USH2A: variants seen among roughly 807,000 people sequenced by gnomAD.
The protein encoded by USH2A is usherin.
In USH2A, 443 loss-of-function variants were observed where a neutral mutation model predicts 538.9. That is an observed-to-expected ratio of 0.82 (90% confidence interval 0.76 to 0.89). USH2A has a LOEUF of 0.89. Ranked by LOEUF, USH2A falls within the 40% of genes least tolerant of loss-of-function variation. The pLI is 0.00. For missense variants in USH2A, 6,633 were observed against 6,324.8 expected (o/e 1.05, Z -1.65); for synonymous variants, 2,413 against 2,273.5 (o/e 1.06, Z -1.75).
At chr1:216,266,480 A>T (rs1267227952) in intron 11 of USH2A, among the ~76,000 whole-genome samples, 1 of 152,174 alleles carries the variant, frequency 6.6e-6, no homozygotes, top group Non-Finnish European at 1.5e-5. Context: ...GGTTGCCTGT[A>T]AAGAAAGAAT....
intron 61 of USH2A, among the ~76,000 whole-genome samples, chr1:215,690,864 C>G (rs1038129125): frequency 6.6e-6 from 1 of 152,120 alleles, no homozygotes; most frequent in Non-Finnish European, 1.5e-5. Flanking sequence ...CTTTCCCACT[C>G]TCAGCACTGC....
At chr1:216,154,909 T>A (rs1255522815) in intron 21 of USH2A, among the ~76,000 whole-genome samples, 1 of 150,836 alleles carries the variant, frequency 6.6e-6, no homozygotes, top group African/African-American at 2.4e-5. Context: ...GCCTTTTGTA[T>A]GTACAAATTG....
At chr1:216,145,239 C>G (rs956858789) in intron 21 of USH2A, among the ~76,000 whole-genome samples, 44 of 152,148 alleles carry the variant, frequency 2.9e-4, no homozygotes, top group East Asian at 1.9e-4. Flanking sequence ...CTCATGCGAA[C>G]AGAATCAGTT....
At chr1:215,719,991 A>G (rs1478322027) in intron 61 of USH2A, among the ~76,000 whole-genome samples, 2 of 152,210 alleles carry the variant, frequency 1.3e-5, no homozygotes, top group Non-Finnish European at 2.9e-5. Context: ...ATTTAGTTAT[A>G]TAATAGGATG....
chr1:215,725,802 G>T (rs186181519), intron 61 of USH2A, among the ~76,000 whole-genome samples: 3 of 152,154 alleles, frequency 2.0e-5, no homozygotes, highest in Non-Finnish European at 4.4e-5. Flanking sequence ...GCCCTGTGCC[G>T]CTTAAAGCTT....
chr1:216,087,774 A>G (rs541554974), intron 23 of USH2A, among the ~76,000 whole-genome samples: 11 of 152,182 alleles, frequency 7.2e-5, no homozygotes, highest in Non-Finnish European at 1.6e-4. Context: ...ATCTTCAATT[A>G]TCACCCTGGT....
intron 9 of USH2A, among the ~76,000 whole-genome samples, chr1:216,300,249 A>G (rs1357864588): frequency 6.6e-6 from 1 of 152,212 alleles, no homozygotes; most frequent in African/African-American, 2.4e-5. Context: ...CTTATATTTT[A>G]GGCAGCTCCT....
chr1:216,127,564 G>A (rs529243279), intron 21 of USH2A, among the ~76,000 whole-genome samples: 16 of 152,182 alleles, frequency 1.1e-4, no homozygotes, highest in Non-Finnish European at 2.2e-4. Context: ...TATTGCTGGC[G>A]TTTATACAGA....
chr1:216,088,230 A>T (rs1022496311), intron 23 of USH2A, among the ~76,000 whole-genome samples: 29 of 152,068 alleles, frequency 1.9e-4, no homozygotes, highest in Non-Finnish European at 2.2e-4. Flanking sequence ...ACCTCATCAG[A>T]GAGACCTTTC....
rs144709895 is a variant in USH2A at position 216,259,001 on chromosome 1, A to G, written c.1972-7903T>C. ...TCAACCCAAATAACATAGAGCTCCA[A>G]AGAAGTTTGGCAGTGATACCTATGC... On this transcript the variant is annotated intron_variant, in intron 11 of 71. Coordinates refer to ENST00000307340, the MANE Select transcript of USH2A (RefSeq NM_206933.4). 3.6e-3 allele frequency among the ~76,000 whole-genome samples: 549 copies of G among 152,180 alleles called. 4 individuals carry two copies. Among genetic ancestry groups the G allele is most frequent in the African/African-American group, 0.013 (520 of 41,536 alleles).
Position 216,418,511 on chromosome 1 carries a change from C to T in USH2A, c.651+3G>A, listed in dbSNP as rs1488692955. ...AATGTTAAATATTTTTTATTTTACT[C>T]ACCTGCACACTAAGATGAATCCATT... On this transcript the variant is annotated splice_donor_region_variant and intron_variant, in intron 3 of 71. Coordinates refer to ENST00000307340, the MANE Select transcript of USH2A (RefSeq NM_206933.4). The T allele has an allele frequency of 4.3e-6, 7 of 1,612,630 alleles. No homozygotes were observed. The highest frequency in any genetic ancestry group is 3.3e-5 in the South Asian group (3 of 91,038).
At chr1:216,343,004 T>A (rs927350068) in intron 4 of USH2A, among the ~76,000 whole-genome samples, 1 of 151,734 alleles carries the variant, frequency 6.6e-6, no homozygotes, top group South Asian at 2.1e-4. Flanking sequence ...TGAAATAAAA[T>A]TTTTTTTAAG....
chr1:215,990,023 T>C (rs1164427448), intron 35 of USH2A, among the ~76,000 whole-genome samples: 3 of 152,200 alleles, frequency 2.0e-5, no homozygotes, highest in African/African-American at 7.2e-5. Flanking sequence ...AGAAATACCA[T>C]TTAAAATCTT....
chr1:216,200,883 C>T lies in USH2A; in HGVS notation c.3317-762G>A, dbSNP rs192869715. On this transcript the variant is annotated intron_variant, in intron 16 of 71. Transcript: ENST00000307340. ...CATGGGGCTGTTTGCATTGGAGATG[C>T]GAGGAGGGTTCCATTAAGCAGGGGT... 1.6e-3 allele frequency among the ~76,000 whole-genome samples: 245 copies of T among 151,942 alleles called. 1 individual carries two copies. The highest frequency in any genetic ancestry group is 5.7e-3 in the African/African-American group (235 of 41,438).
At chr1:215,898,984 G>A (rs1009299861) in intron 40 of USH2A, among the ~76,000 whole-genome samples, 7 of 152,106 alleles carry the variant, frequency 4.6e-5, no homozygotes, top group Non-Finnish European at 7.4e-5. Flanking sequence ...GAGTAATTAC[G>A]AATTGGAAGA....
intron 9 of USH2A, among the ~76,000 whole-genome samples, chr1:216,320,692 T>C (rs1011865485): frequency 6.6e-6 from 1 of 152,186 alleles, no homozygotes; most frequent in Non-Finnish European, 1.5e-5. Flanking sequence ...GGTTGGGTAA[T>C]CTTTTATATG....
At chr1:215,694,665 C>T (rs1026192924) in intron 61 of USH2A, among the ~76,000 whole-genome samples, 1 of 152,214 alleles carries the variant, frequency 6.6e-6, no homozygotes, top group African/African-American at 2.4e-5. Context: ...AATTTACTCA[C>T]AGGTCCACCT....
chr1:216,253,291 G>C (rs569305301), intron 11 of USH2A, among the ~76,000 whole-genome samples: 1 of 151,700 alleles, frequency 6.6e-6, no homozygotes, highest in East Asian at 2.0e-4. Flanking sequence ...TGACTCTCTT[G>C]TTTCAGCCTC....
intron 35 of USH2A, among the ~76,000 whole-genome samples, chr1:215,975,472 T>C (rs1230885560): frequency 6.6e-6 from 1 of 152,194 alleles, no homozygotes; most frequent in African/African-American, 2.4e-5. Flanking sequence ...TTTAAATCTT[T>C]AATCCATCTT....
Sources: allele counts gnomAD v4.1 joint callset (sites outside exome capture counted in the v4.1 genomes callset), GRCh38; gene constraint gnomAD v4.1.1; transcripts MANE v1.5; gene names NCBI Gene and HGNC (gene_info 2026-07-23, HGNC 2026-07-21).